Variants in PCDHA8 observed in about 807,000 individuals in gnomAD.
PCDHA8 encodes the protein protocadherin alpha-8.
Under a neutral mutation model 61.8 loss-of-function variants are expected in PCDHA8, and 53 were observed. The observed-to-expected ratio is 0.86, with a 90% confidence interval of 0.69 to 1.08. The LOEUF is 1.08. PCDHA8 is among the 50% of genes least tolerant of loss of function. The probability of loss-of-function intolerance (pLI) is 0.00; values close to 1 mark genes in which losing one functional copy is unlikely to be tolerated. For missense variants in PCDHA8, 1,293 were observed against 1,245.0 expected (o/e 1.04, Z -0.58); for synonymous variants, 618 against 556.6 (o/e 1.11, Z -1.55).
At position 140,982,510 on chromosome 5, in the gene PCDHA8, C is replaced by T; in HGVS notation, c.2489C>T (p.Ala830Val). 6.2e-7 allele frequency: 1 copy of T among 1,614,170 alleles called. No homozygotes were observed. The highest frequency in any genetic ancestry group is 8.5e-7 in the Non-Finnish European group (1 of 1,180,020). The change falls in exon 3 of 4, where the codon GCT becomes GTT. Residue 830 changes from alanine to valine, a missense_variant. Ala to Val is a moderately conservative substitution (Grantham distance 64, BLOSUM62 0). Coordinates refer to ENST00000531613, the MANE Select transcript of PCDHA8 (RefSeq NM_018911.3). ...CTAGAGGAGGCTGGCATTCTACGGGCTGGTCCAGGAGGGCCTGATCAGCAG... is the reference window on the plus strand; with the variant it reads ...CTAGAGGAGGCTGGCATTCTACGGGTTGGTCCAGGAGGGCCTGATCAGCAG... ...VHLEEAGILR[A>V]GPGGPDQQWP...
chr5:140,959,538 A>G (rs1310965047), intron 1 of PCDHA8, among the ~76,000 whole-genome samples: 1 of 152,204 alleles, frequency 6.6e-6, no homozygotes, highest in Non-Finnish European at 1.5e-5. Flanking sequence ...TAATTCAGAG[A>G]TGCTGTATAA....
chr5:140,891,592 T>G (rs1162338197), intron 1 of PCDHA8, among the ~76,000 whole-genome samples: 1 of 152,216 alleles, frequency 6.6e-6, no homozygotes, highest in East Asian at 1.9e-4. Context: ...TATTACTCTA[T>G]CCCATCTATT....
chr5:140,889,025 A>G (rs2062065518), intron 1 of PCDHA8, among the ~76,000 whole-genome samples: 1 of 152,068 alleles, frequency 6.6e-6, no homozygotes, highest in South Asian at 2.1e-4. Flanking sequence ...TTCCTTGGAT[A>G]ACCGTAATTT....
Position 140,928,044 on chromosome 5 carries a change from T to C in PCDHA8, c.2395-50905T>C, listed in dbSNP as rs782342331. The C allele has an allele frequency of 4.6e-5, 75 of 1,614,078 alleles. 1 individual carries two copies. The highest frequency in any genetic ancestry group is 3.0e-4 in the Admixed American group (18 of 60,006). On this transcript the variant is annotated intron_variant, in intron 1 of 3. Transcript: ENST00000531613. The stretch of plus-strand genomic sequence containing the variant: ...TTTGTGGCATGTCTAGTGCAGGCCC[T>C]TTTCAGCTGACGGCTTCCTTTGACA...
intron 1 of PCDHA8, chr5:140,969,383 C>T: frequency 6.3e-6 from 10 of 1,597,986 alleles, no homozygotes; most frequent in African/African-American, 1.3e-5. Context: ...TGTTACACAT[C>T]CCCCAATATC....
intron 1 of PCDHA8, among the ~76,000 whole-genome samples, chr5:140,887,600 G>A (rs1306659335): frequency 6.6e-6 from 1 of 151,812 alleles, no homozygotes; most frequent in African/African-American, 2.4e-5. Context: ...TGATTGTGAT[G>A]TGCTTTAGTA....
intron 1 of PCDHA8, among the ~76,000 whole-genome samples, chr5:140,919,265 T>A (rs534045587): frequency 4.3e-4 from 66 of 152,394 alleles, no homozygotes. Flanking sequence ...GATATTAGTG[T>A]AGTCACTCCA....
rs2150317350 is a variant in PCDHA8, at chr5:140,841,522, G to C, written c.201G>C (p.Ala67=). 8.1e-6 allele frequency: 13 copies of C among 1,613,482 alleles called. No homozygotes were observed. The highest frequency in any genetic ancestry group is 1.1e-5 in the Non-Finnish European group (13 of 1,179,980). ...TGGTGCCGCGCCTGTTCCGGGTGGC[G>C]TCCAAAAGACACCGGGACCTTCTGG... The part of the protein sequence containing the change: ...AELVPRLFRV[A]SKRHRDLLEV... Residue 67 remains alanine (A), a synonymous_variant, in exon 1 of 4, where the codon GCG becomes GCC. Transcript: ENST00000531613.
Position 140,870,220 on chromosome 5 carries a change from G to A in PCDHA8, c.2394+26505G>A, listed in dbSNP as rs199741132. 3.2e-5 allele frequency: 52 copies of A among 1,614,042 alleles called. No individual in the cohort carries two copies. The highest frequency in any genetic ancestry group is 2.7e-5 in the Non-Finnish European group (32 of 1,180,040). ...CAGCACGGTCATTGCCCTGATCAGC[G>A]TGTCTGACCGTGACTCAGGTGTCAA... On this transcript the variant is annotated intron_variant, in intron 1 of 3. Transcript: ENST00000531613.
chr5:140,850,855 G>A (rs1484311028), intron 1 of PCDHA8: 1 of 1,595,156 alleles, frequency 6.3e-7, no homozygotes, highest in Non-Finnish European at 8.6e-7. Flanking sequence ...GAGCGAACGG[G>A]AGAACCCTCT....
At chr5:141,005,824 G>T (rs1380044629) in intron 3 of PCDHA8, among the ~76,000 whole-genome samples, 2 of 151,660 alleles carry the variant, frequency 1.3e-5, no homozygotes, top group African/African-American at 4.8e-5. Flanking sequence ...ATGGTGGCCT[G>T]TAGTCCCAGC....
At chr5:140,927,568 A>T in intron 1 of PCDHA8, 1 of 1,614,174 alleles carries the variant, frequency 6.2e-7, no homozygotes, top group Non-Finnish European at 8.5e-7. Flanking sequence ...TGTGGTGGAC[A>T]CAAATGACAA....
At chr5:140,871,187 T>C in intron 1 of PCDHA8, 1 of 1,613,626 alleles carries the variant, frequency 6.2e-7, no homozygotes, top group Non-Finnish European at 8.5e-7. Flanking sequence ...CTGGTGGATG[T>C]CAACGTGTAC....
chr5:140,849,023 G>C (rs2150428994), intron 1 of PCDHA8: 1 of 1,586,580 alleles, frequency 6.3e-7, no homozygotes, highest in East Asian at 2.2e-5. Flanking sequence ...GCCCCAATGA[G>C]TATTTCTTCC....
At chr5:140,873,867 G>A (rs2054538446) in intron 1 of PCDHA8, among the ~76,000 whole-genome samples, 1 of 152,098 alleles carries the variant, frequency 6.6e-6, no homozygotes, top group Non-Finnish European at 1.5e-5. Flanking sequence ...CACCATGTTG[G>A]CCAGGCTGGT....
intron 1 of PCDHA8, chr5:140,855,778 TAA>T: frequency 2.5e-6 from 1 of 407,854 alleles, no homozygotes; most frequent in Non-Finnish European, 4.4e-6. Context: ...TAAAAATACG[TAA>T]AAAAAGAATT....
intron 1 of PCDHA8, chr5:140,859,116 A>G (rs1210233743): frequency 6.7e-6 from 1 of 150,046 alleles, no homozygotes; most frequent in Non-Finnish European, 1.5e-5. Flanking sequence ...AAGAAAATGT[A>G]TGTTTCTTTT....
In PCDHA8 at chr5:141,010,190, C is replaced by T. The variant is rs868983471; in HGVS notation, c.*253C>T. On this transcript the variant is annotated 3_prime_UTR_variant, in exon 4 of 4. Coordinates refer to ENST00000531613, the MANE Select transcript of PCDHA8 (RefSeq NM_018911.3). ...GAACCTAAAAAGCAGACCCAAGTTT[C>T]CTTTCTCCTCCGCCGCAAAGGAGAG... The T allele has an allele frequency of 6.4e-7, 1 of 1,552,504 alleles. No homozygotes were observed. Among genetic ancestry groups the T allele is most frequent in the Non-Finnish European group, 8.7e-7 (1 of 1,147,234 alleles).
In PCDHA8 at chr5:140,847,104, A is replaced by G. The variant is rs2150397303; in HGVS notation, c.2394+3389A>G. Among the ~76,000 whole-genome samples, 7 of 149,942 alleles carry G rather than the reference A, an allele frequency of 4.7e-5. 1 individual carries two copies. The East Asian group carries it at 1.4e-3, about 29-fold the overall frequency. On this transcript the variant is annotated intron_variant, in intron 1 of 3. Coordinates refer to ENST00000531613, the MANE Select transcript of PCDHA8 (RefSeq NM_018911.3). ...AAAGTCCACTTTGGTTAAAACACAC[A>G]GTCTGCAGAGAATGAAAGCAGGAAA...
Sources: allele counts gnomAD v4.1 joint callset (sites outside exome capture counted in the v4.1 genomes callset), GRCh38; gene constraint gnomAD v4.1.1; transcripts MANE v1.5; gene names NCBI Gene and HGNC (gene_info 2026-07-23, HGNC 2026-07-21).